EYS: variants seen among roughly 807,000 people sequenced by gnomAD.
EYS encodes the protein protein eyes shut homolog.
In EYS, 250 loss-of-function variants were observed where a neutral mutation model predicts 282.1. That is an observed-to-expected ratio of 0.89 (90% CI 0.80 to 0.98). EYS has a LOEUF of 0.98. EYS is among the 50% of genes least tolerant of loss of function. The pLI, the probability that EYS is intolerant of heterozygous loss-of-function variation, is 0.00. For synonymous variants in EYS, 1,355 were observed against 1,282.9 expected (o/e 1.06, Z -1.20); for missense variants, 4,016 against 3,709.0 (o/e 1.08, Z -2.15).
intron 2 of EYS, among the ~76,000 whole-genome samples, chr6:65,628,403 T>A (rs1035213955): frequency 1.3e-5 from 2 of 152,182 alleles, no homozygotes; most frequent in Non-Finnish European, 2.9e-5. Context: ...CAGCAGGATG[T>A]GGGTGGGGCC....
At chr6:65,039,456 T>C (rs1462965748) in intron 13 of EYS, among the ~76,000 whole-genome samples, 2 of 151,502 alleles carry the variant, frequency 1.3e-5, no homozygotes, top group Admixed American at 6.6e-5. Flanking sequence ...ATAGACTTAT[T>C]GGCCATTATA....
At chr6:65,185,903 A>G (rs540255133) in intron 12 of EYS, among the ~76,000 whole-genome samples, 7 of 151,866 alleles carry the variant, frequency 4.6e-5, no homozygotes, top group African/African-American at 1.7e-4. Flanking sequence ...TGTCCATGAT[A>G]TACACTCAGA....
chr6:64,854,351 A>C (rs1041402675), intron 19 of EYS, among the ~76,000 whole-genome samples: 25 of 152,272 alleles, frequency 1.6e-4, no homozygotes, highest in African/African-American at 6.0e-4. Context: ...GAACCAACCC[A>C]AATGTCCAAC....
chr6:64,467,240 C>T (rs897991006), intron 26 of EYS, among the ~76,000 whole-genome samples: 1 of 151,918 alleles, frequency 6.6e-6, no homozygotes, highest in East Asian at 1.9e-4. Flanking sequence ...TTTTAAATAA[C>T]TATCTTATTG....
At chr6:64,371,335 T>C in intron 29 of EYS, among the ~76,000 whole-genome samples, 1 of 151,494 alleles carries the variant, frequency 6.6e-6, no homozygotes, top group East Asian at 1.9e-4. Flanking sequence ...TTTTTTTTTT[T>C]TGCATTGGTT....
chr6:65,157,771 G>C (rs530141677), intron 12 of EYS, among the ~76,000 whole-genome samples: 1 of 150,246 alleles, frequency 6.7e-6, no homozygotes, highest in Admixed American at 6.7e-5. Flanking sequence ...TTAGGAAAAG[G>C]TTATATTTTT....
At chr6:64,540,326 T>C (rs1439234123) in intron 26 of EYS, among the ~76,000 whole-genome samples, 1 of 152,076 alleles carries the variant, frequency 6.6e-6, no homozygotes, top group Non-Finnish European at 1.5e-5. Flanking sequence ...ACTGCCAATC[T>C]CAAAGTTTTC....
intron 31 of EYS, among the ~76,000 whole-genome samples, chr6:64,140,686 C>T (rs549080537): frequency 2.6e-5 from 4 of 152,098 alleles, no homozygotes; most frequent in Non-Finnish European, 5.9e-5. Context: ...TCCAGGCAGT[C>T]CTTTCTACAC....
At chr6:65,649,968 C>T (rs1767594010) in intron 1 of EYS, among the ~76,000 whole-genome samples, 1 of 152,122 alleles carries the variant, frequency 6.6e-6, no homozygotes. Flanking sequence ...ATATACACTA[C>T]TTAAGAATGA....
intron 1 of EYS, among the ~76,000 whole-genome samples, chr6:65,687,672 T>C (rs1447576463): frequency 1.3e-5 from 2 of 152,088 alleles, no homozygotes; most frequent in African/African-American, 2.4e-5. Flanking sequence ...TGATTATATA[T>C]CTAGAAAACC....
intron 26 of EYS, among the ~76,000 whole-genome samples, chr6:64,585,158 T>G (rs1457172502): frequency 6.6e-6 from 1 of 152,016 alleles, no homozygotes; most frequent in Non-Finnish European, 1.5e-5. Flanking sequence ...CAAAATCATG[T>G]CCTTGGCAGC....
Position 65,120,400 on chromosome 6 carries a change from C to T in EYS, c.2024-62673G>A, listed in dbSNP as rs149524349. On this transcript the variant is annotated intron_variant, in intron 12 of 42. Coordinates refer to ENST00000503581, the MANE Select transcript of EYS (RefSeq NM_001142800.2). Reference sequence around the variant, plus strand: ...TCTTACACATCACATATGTCAGAGACAAGGACTGACATGGCTCATTATCAA... The same window carrying T: ...TCTTACACATCACATATGTCAGAGATAAGGACTGACATGGCTCATTATCAA... 2.0e-3 allele frequency among the ~76,000 whole-genome samples: 261 copies of T among 131,602 alleles called. 3 individuals are homozygous for T. The highest frequency in any genetic ancestry group is 7.4e-3 in the African/African-American group (252 of 34,184). 86.3% of individuals were successfully genotyped at this position (131,602 alleles called of 152,430 possible).
At chr6:65,458,787 T>C (rs139234261) in intron 5 of EYS, among the ~76,000 whole-genome samples, 2 of 152,192 alleles carry the variant, frequency 1.3e-5, no homozygotes, top group Non-Finnish European at 2.9e-5. Context: ...ACAGTTTGGG[T>C]AGACAAAGAC....
At chr6:64,196,915 A>G (rs1285452129) in intron 31 of EYS, among the ~76,000 whole-genome samples, 1 of 152,052 alleles carries the variant, frequency 6.6e-6, no homozygotes, top group African/African-American at 2.4e-5. Context: ...AAAAATTGTA[A>G]TATTTGAAGT....
chr6:64,533,505 A>G (rs1240634750), intron 26 of EYS, among the ~76,000 whole-genome samples: 4 of 152,070 alleles, frequency 2.6e-5, no homozygotes, highest in African/African-American at 9.7e-5. Flanking sequence ...ATGACAATTG[A>G]CTTAAGAAAC....
chr6:63,927,211 T>G (rs1764741416), intron 35 of EYS, among the ~76,000 whole-genome samples: 1 of 152,230 alleles, frequency 6.6e-6, no homozygotes, highest in Non-Finnish European at 1.5e-5. Flanking sequence ...CAGTTATTTT[T>G]AGGAATAAAC....
chr6:65,498,600 G>C (rs1411282050), intron 2 of EYS, among the ~76,000 whole-genome samples: 1 of 151,806 alleles, frequency 6.6e-6, no homozygotes, highest in East Asian at 1.9e-4. Flanking sequence ...AAGAGAAAGT[G>C]GCTTGATGCA....
rs148799173 is a variant in EYS at position 64,449,199 on chromosome 6, C to T, written c.5645-9847G>A. Among the ~76,000 whole-genome samples the T allele has an allele frequency of 2.1e-3, 313 of 152,134 alleles. 2 individuals carry two copies. The East Asian group carries it at 0.022, about 11-fold the overall frequency. ...GCTGAAAACCATGGCACGAGAACTA[C>T]GTGATGAATGCACAAGCCTCAGTAA... On this transcript the variant is annotated intron_variant, in intron 26 of 42. Coordinates refer to ENST00000503581, the MANE Select transcript of EYS (RefSeq NM_001142800.2).
chr6:63,828,970 A>T (rs565589259), intron 36 of EYS, among the ~76,000 whole-genome samples: 8 of 152,224 alleles, frequency 5.3e-5, no homozygotes, highest in Non-Finnish European at 1.2e-4. Context: ...AGCAGTACCC[A>T]CTACAGGGTA....
Sources: allele counts gnomAD v4.1 joint callset (sites outside exome capture counted in the v4.1 genomes callset), GRCh38; gene constraint gnomAD v4.1.1; transcripts MANE v1.5; gene names NCBI Gene and HGNC (gene_info 2026-07-23, HGNC 2026-07-21).